The following NTM variants were observed in gnomAD, a reference collection of about 807,000 sequenced individuals.
The protein encoded by NTM is IgLON family member 2.
Under a neutral mutation model 42.1 loss-of-function variants are expected in NTM, and 13 were observed. The observed-to-expected ratio is 0.31, with a 90% CI of 0.20 to 0.49. The LOEUF (loss-of-function observed/expected upper bound fraction) is 0.49, where lower values mean the gene tolerates loss of function less well. Among genes scored for constraint, NTM ranks in the 20% least tolerant of loss-of-function variants. NTM has a pLI of 0.99. For missense variants in NTM, 373 were observed against 452.8 expected (o/e 0.82, Z 1.60); for synonymous variants, 187 against 179.2 (o/e 1.04, Z -0.35).
chr11:131,390,511 A>C (rs1943867097), intron 1 of NTM, among the ~76,000 whole-genome samples: 1 of 152,176 alleles, frequency 6.6e-6, no homozygotes, highest in South Asian at 2.1e-4. Context: ...TTGACCAGTG[A>C]TGTAAAATTT....
intron 1 of NTM, among the ~76,000 whole-genome samples, chr11:131,773,435 T>G (rs1188817208): frequency 6.6e-6 from 1 of 152,252 alleles, no homozygotes; most frequent in Non-Finnish European, 1.5e-5. Flanking sequence ...TTCTTTTTCC[T>G]TAAGACAACA....
chr11:131,879,983 G>A (rs2137253281), intron 1 of NTM, among the ~76,000 whole-genome samples: 1 of 152,314 alleles, frequency 6.6e-6, no homozygotes, highest in South Asian at 2.1e-4. Flanking sequence ...CCACCTTCAA[G>A]GATTACAATA....
At chr11:131,377,280 C>T (rs1036626428) in intron 1 of NTM, among the ~76,000 whole-genome samples, 6 of 152,158 alleles carry the variant, frequency 3.9e-5, no homozygotes, top group Non-Finnish European at 8.8e-5. Context: ...ATGGGGAATG[C>T]TGCTGTGAGT....
At chr11:131,526,533 T>C (rs779620245) in intron 1 of NTM, among the ~76,000 whole-genome samples, 18 of 152,224 alleles carry the variant, frequency 1.2e-4, no homozygotes, top group Non-Finnish European at 2.4e-4. Flanking sequence ...TCGAGCAGTG[T>C]GATAAGGTAG....
intron 2 of NTM, among the ~76,000 whole-genome samples, chr11:132,054,347 G>C (rs1397123351): frequency 2.0e-5 from 3 of 152,252 alleles, no homozygotes; most frequent in Admixed American, 6.5e-5. Flanking sequence ...TAGCACCTTA[G>C]AGTCTTGACT....
At chr11:131,475,678 C>T (rs973917842) in intron 1 of NTM, among the ~76,000 whole-genome samples, 2 of 152,038 alleles carry the variant, frequency 1.3e-5, no homozygotes, top group Admixed American at 6.6e-5. Flanking sequence ...AATTATCACC[C>T]ACGAAGCCCT....
In NTM at chr11:131,825,453, TTGA is replaced by T. The variant is rs567617814; in HGVS notation, c.83-86108_83-86106del. On this transcript the variant is annotated intron_variant, in intron 1 of 8. Transcript: ENST00000683400. ...ATGAGGCTGGATATGAGGCTAGCAC[TTGA>T]TGTCTTTGGCTTCTTCGAGGACTGG... Among the ~76,000 whole-genome samples the T allele has an allele frequency of 1.7e-4, 26 of 152,264 alleles. No homozygotes were observed. In the South Asian group the frequency reaches 5.2e-3, roughly 30 times the overall value.
chr11:132,041,214 A>G (rs145302560), intron 2 of NTM, among the ~76,000 whole-genome samples: 1 of 128,962 alleles, frequency 7.8e-6, no homozygotes, highest in Non-Finnish European at 1.6e-5. Context: ...TGTGTGTGAG[A>G]GAGAGAGAGA....
intron 1 of NTM, among the ~76,000 whole-genome samples, chr11:131,484,509 C>G (rs985376715): frequency 6.6e-6 from 1 of 152,164 alleles, no homozygotes; most frequent in African/African-American, 2.4e-5. Context: ...GGGTTCTTTG[C>G]TGAGACAGCT....
intron 4 of NTM, among the ~76,000 whole-genome samples, chr11:132,285,888 A>T (rs1412377931): frequency 1.3e-5 from 2 of 152,166 alleles, no homozygotes; most frequent in East Asian, 3.9e-4. Flanking sequence ...TGTAGATGGG[A>T]ATCTTGCTAA....
intron 1 of NTM, among the ~76,000 whole-genome samples, chr11:131,496,576 G>A (rs1433238708): frequency 6.6e-6 from 1 of 152,198 alleles, no homozygotes; most frequent in Non-Finnish European, 1.5e-5. Flanking sequence ...TCCACCAGCA[G>A]CTCTGGGAGC....
chr11:131,382,750 A>G (rs1475319231), intron 1 of NTM, among the ~76,000 whole-genome samples: 1 of 152,218 alleles, frequency 6.6e-6, no homozygotes, highest in Non-Finnish European at 1.5e-5. Flanking sequence ...CCTGATCATT[A>G]TCTTTGAAAC....
Position 131,598,747 on chromosome 11 carries a change from CTTTCTTTCTTCTTTCTTTT to C in NTM, c.82+227870_82+227888del, listed in dbSNP as rs1565685536. 2.1e-3 allele frequency among the ~76,000 whole-genome samples: 152 copies of C among 73,408 alleles called. 2 individuals carry two copies. The highest frequency in any genetic ancestry group is 3.4e-3 in the African/African-American group (72 of 21,266). 48.2% of individuals were successfully genotyped at this position (73,408 alleles called of 152,430 possible). A position where few individuals can be genotyped will look rare whatever the true frequency, so the allele number is the denominator to read the frequency against. ...TCTTTCTTTCTTTCTTTCTTTCTTT[CTTTCTTTCTTCTTTCTTTT>C]TTTCTTTCTTTCTTTCTTCTTTCTT... On this transcript the variant is annotated intron_variant, in intron 1 of 8. Coordinates refer to ENST00000683400, the MANE Select transcript of NTM (RefSeq NM_001352005.2).
intron 3 of NTM, among the ~76,000 whole-genome samples, chr11:132,150,235 C>A (rs1354961901): frequency 6.6e-6 from 1 of 152,134 alleles, no homozygotes; most frequent in African/African-American, 2.4e-5. Flanking sequence ...GCTAATAGAG[C>A]AAGAACTCAC....
chr11:131,919,094 G>A (rs1205157137), intron 2 of NTM, among the ~76,000 whole-genome samples: 2 of 146,802 alleles, frequency 1.4e-5, no homozygotes, highest in East Asian at 4.2e-4. Context: ...GGAACAAGAG[G>A]GACCAGCTCC....
At chr11:131,606,657 G>A (rs1321188517) in intron 1 of NTM, among the ~76,000 whole-genome samples, 1 of 152,106 alleles carries the variant, frequency 6.6e-6, no homozygotes, top group East Asian at 1.9e-4. Flanking sequence ...TCTGTCAAGG[G>A]GGTGGGCACA....
intron 1 of NTM, among the ~76,000 whole-genome samples, chr11:131,736,221 C>T (rs968923313): frequency 2.0e-5 from 3 of 152,164 alleles, no homozygotes; most frequent in Admixed American, 2.0e-4. Context: ...CCCGAACCTT[C>T]TACAGCTAGT....
At chr11:131,496,946 T>G (rs1482580666) in intron 1 of NTM, among the ~76,000 whole-genome samples, 1 of 152,190 alleles carries the variant, frequency 6.6e-6, no homozygotes, top group Non-Finnish European at 1.5e-5. Context: ...CTCAGGCCTC[T>G]CCCTCTGGCT....
At chr11:131,711,288 AAAAC>A (rs2077096210) in intron 1 of NTM, among the ~76,000 whole-genome samples, 5 of 152,332 alleles carry the variant, frequency 3.3e-5, no homozygotes, top group South Asian at 2.1e-4. Context: ...TTACAAGAAA[AAAAC>A]AAACAACCCC....
Sources: gnomAD v4.1 joint callset for allele counts (sites outside exome capture counted in the v4.1 genomes callset) on GRCh38, gnomAD v4.1.1 for gene constraint, MANE v1.5 for transcripts, NCBI Gene and HGNC (gene_info 2026-07-23, HGNC 2026-07-21) for gene names.